Variants in CDH13 observed in about 807,000 individuals in gnomAD.
CDH13 encodes cadherin 13, also known as cadherin-13.
A neutral mutation model predicts 63.8 loss-of-function variants in CDH13; 24 were observed. That is an observed-to-expected ratio of 0.38 (90% CI 0.27 to 0.53). The LOEUF is 0.53. Ranked by LOEUF, CDH13 falls within the 20% of genes least tolerant of loss-of-function variation. CDH13 has a pLI of 0.85. For synonymous variants in CDH13, 503 were observed against 355.3 expected (o/e 1.42, Z -4.67); for missense variants, 1,049 against 903.1 (o/e 1.16, Z -2.07).
At chr16:82,725,714 C>T (rs181078586) in intron 1 of CDH13, among the ~76,000 whole-genome samples, 105 of 152,230 alleles carry the variant, frequency 6.9e-4, no homozygotes, top group Non-Finnish European at 2.9e-4. Context: ...GCCCCGAATG[C>T]TGACTTGTAA....
chr16:83,098,082 G>T (rs183647725), intron 3 of CDH13, among the ~76,000 whole-genome samples: 3 of 152,206 alleles, frequency 2.0e-5, no homozygotes, highest in African/African-American at 4.8e-5. Flanking sequence ...AGAGAGCACC[G>T]TCTGAAGGGT....
At chr16:83,361,613 G>A (rs1189447421) in intron 6 of CDH13, among the ~76,000 whole-genome samples, 2 of 152,110 alleles carry the variant, frequency 1.3e-5, no homozygotes, top group Non-Finnish European at 2.9e-5. Flanking sequence ...TGTATATGAT[G>A]AAATGTATGG....
intron 7 of CDH13, among the ~76,000 whole-genome samples, chr16:83,541,334 T>C (rs927655940): frequency 6.6e-6 from 1 of 152,216 alleles, no homozygotes; most frequent in Non-Finnish European, 1.5e-5. Context: ...TATGATCACT[T>C]CATTATCCTT....
chr16:83,534,278 C>G (rs1468848631), intron 7 of CDH13, among the ~76,000 whole-genome samples: 1 of 152,186 alleles, frequency 6.6e-6, no homozygotes, highest in African/African-American at 2.4e-5. Flanking sequence ...TGTGGATCCT[C>G]ACAGCCTGGA....
chr16:83,669,832 T>C (rs13331661), intron 8 of CDH13, among the ~76,000 whole-genome samples: 55,912 of 152,070 alleles, frequency 0.37, 10,738 homozygotes, highest in East Asian at 0.49. Flanking sequence ...ATTTCTTCTT[T>C]TTGTCAGCTT....
intron 7 of CDH13, among the ~76,000 whole-genome samples, chr16:83,492,135 C>T (rs1174493609): frequency 1.3e-5 from 2 of 152,086 alleles, no homozygotes; most frequent in Admixed American, 6.5e-5. Context: ...ACGTAGCATG[C>T]ATCTCCAGAA....
At chr16:82,695,447 C>G (rs1347678966) in intron 1 of CDH13, among the ~76,000 whole-genome samples, 3 of 152,196 alleles carry the variant, frequency 2.0e-5, no homozygotes, top group African/African-American at 7.2e-5. Context: ...TCCTATATCT[C>G]TACCATTCAT....
intron 7 of CDH13, among the ~76,000 whole-genome samples, chr16:83,512,540 C>A (rs556850279): frequency 6.7e-6 from 1 of 149,840 alleles, no homozygotes; most frequent in Non-Finnish European, 1.5e-5. Context: ...TGGTGGCATG[C>A]GCCTGTAGTC....
At chr16:83,243,606 G>C (rs1341865666) in intron 5 of CDH13, among the ~76,000 whole-genome samples, 1 of 152,056 alleles carries the variant, frequency 6.6e-6, no homozygotes, top group African/African-American at 2.4e-5. Flanking sequence ...AGATTCACTT[G>C]GCAATTTTTG....
At chr16:82,660,324 A>T (rs1911784513) in intron 1 of CDH13, among the ~76,000 whole-genome samples, 2 of 152,172 alleles carry the variant, frequency 1.3e-5, no homozygotes, top group South Asian at 2.1e-4. Flanking sequence ...CTTAAAAGTG[A>T]GTTAAGTCAA....
At chr16:83,403,718 C>A (rs1039802395) in intron 6 of CDH13, among the ~76,000 whole-genome samples, 1 of 152,184 alleles carries the variant, frequency 6.6e-6, no homozygotes, top group African/African-American at 2.4e-5. Context: ...CTATCTCACA[C>A]AAGCCTGCTT....
At chr16:83,516,133 T>A (rs183736278) in intron 7 of CDH13, among the ~76,000 whole-genome samples, 1 of 152,342 alleles carries the variant, frequency 6.6e-6, no homozygotes, top group Admixed American at 6.5e-5. Flanking sequence ...CATAAAGAGA[T>A]GTCCTCAGAT....
intron 10 of CDH13, among the ~76,000 whole-genome samples, chr16:83,727,946 T>A (rs1910604317): frequency 6.6e-6 from 1 of 152,152 alleles, no homozygotes; most frequent in African/African-American, 2.4e-5. Flanking sequence ...CAAGTTTGAC[T>A]GATGGATTTG....
intron 6 of CDH13, among the ~76,000 whole-genome samples, chr16:83,468,093 G>C (rs2073362541): frequency 1.3e-5 from 2 of 152,220 alleles, no homozygotes; most frequent in Admixed American, 6.5e-5. Flanking sequence ...CCGTGAACTT[G>C]AAATCACTGG....
chr16:83,780,735 C>A (rs2151008759), intron 12 of CDH13, among the ~76,000 whole-genome samples: 1 of 152,240 alleles, frequency 6.6e-6, no homozygotes, highest in Non-Finnish European at 1.5e-5. Flanking sequence ...TCCACAGATT[C>A]TTTGTTTGTA....
intron 1 of CDH13, among the ~76,000 whole-genome samples, chr16:82,785,273 A>C (rs1053804878): frequency 1.3e-5 from 2 of 152,200 alleles, no homozygotes; most frequent in Admixed American, 1.3e-4. Flanking sequence ...AGTCCCAGGT[A>C]TGCAGGCTTG....
chr16:83,700,178 A>G (rs1305314069), intron 10 of CDH13, among the ~76,000 whole-genome samples: 1 of 152,182 alleles, frequency 6.6e-6, no homozygotes, highest in Admixed American at 6.5e-5. Context: ...ATTGAATCAT[A>G]AAGTATGCCC....
intron 2 of CDH13, among the ~76,000 whole-genome samples, chr16:82,905,079 G>A (rs1222644716): frequency 1.3e-5 from 2 of 152,150 alleles, no homozygotes; most frequent in East Asian, 1.9e-4. Context: ...AGAAAGGCAC[G>A]TCAATGATTC....
intron 4 of CDH13, among the ~76,000 whole-genome samples, chr16:83,168,083 A>C (rs1288400116): frequency 6.6e-6 from 1 of 151,968 alleles, no homozygotes; most frequent in East Asian, 1.9e-4. Context: ...AGGGTTGAAA[A>C]ACTACTAGAT....
Sources: allele counts gnomAD v4.1 joint callset (sites outside exome capture counted in the v4.1 genomes callset), GRCh38; gene constraint gnomAD v4.1.1; transcripts MANE v1.5; gene names NCBI Gene and HGNC (gene_info 2026-07-23, HGNC 2026-07-21).